Variants in DORIP1 observed in about 807,000 individuals in gnomAD.
The protein encoded by DORIP1 is dopamine receptor-interacting protein 1.
At chr14:44,900,272 T>G in the DORIP1 span, 1 of 523,682 alleles carries the variant, frequency 1.9e-6, no homozygotes, top group Non-Finnish European at 3.1e-6. Context: ...GCATGCATAG[T>G]GCGCGAAAAG....
chr14:44,902,110 A>ATACACTGTCTAT, the DORIP1 span, among the ~76,000 whole-genome samples: 1 of 152,192 alleles, frequency 6.6e-6, no homozygotes, highest in African/African-American at 2.4e-5. Flanking sequence ...TTTCTCTGAA[A>ATACACTGTCTAT]TACACTGTCT....
chr14:44,899,893 G>A, the DORIP1 span, among the ~76,000 whole-genome samples: 6 of 143,666 alleles, frequency 4.2e-5, no homozygotes, highest in African/African-American at 1.3e-4. Flanking sequence ...ATGAGATGGC[G>A]TGATCTCGGC....
the DORIP1 span, chr14:44,901,097 ATATT>A: frequency 9.1e-4 from 719 of 789,864 alleles, 5 homozygotes; most frequent in African/African-American, 0.012. Flanking sequence ...AGGATACTGT[ATATT>A]TAGTATACCT....
the DORIP1 span, chr14:44,899,265 A>C: frequency 2.0e-5 from 3 of 152,232 alleles, no homozygotes; most frequent in Non-Finnish European, 4.4e-5. Context: ...GTGGTCCTCA[A>C]GGTTGGGGAA....
chr14:44,903,092 T>A, the DORIP1 span: 1 of 689,446 alleles, frequency 1.5e-6, no homozygotes, highest in Non-Finnish European at 2.5e-6. Context: ...GTCATAAAGG[T>A]TATACTTGGT....
the DORIP1 span, chr14:44,904,810 T>G: frequency 3.8e-6 from 1 of 263,278 alleles, no homozygotes; most frequent in South Asian, 1.1e-4. Flanking sequence ...CCAGTTTACA[T>G]GTCAGTTTTC....
At chr14:44,900,586 A>G in the DORIP1 span, 3 of 1,610,538 alleles carry the variant, frequency 1.9e-6, no homozygotes, top group East Asian at 4.5e-5. Flanking sequence ...CTATGTTGAA[A>G]TAAGACTGAA....
the DORIP1 span, among the ~76,000 whole-genome samples, chr14:44,899,845 T>TTTTTTTTTTTG: frequency 6.8e-6 from 1 of 146,506 alleles, no homozygotes; most frequent in African/African-American, 2.5e-5. Context: ...TTTTTTTTTT[T>TTTTTTTTTTTG]TTTTTGAGAT....
chr14:44,905,253 A>AG, the DORIP1 span: 1 of 652,690 alleles, frequency 1.5e-6, no homozygotes, highest in South Asian at 4.3e-5. Context: ...TATCTTTTTC[A>AG]GGGAACAGAA....
At chr14:44,905,036 A>G in the DORIP1 span, 7 of 192,674 alleles carry the variant, frequency 3.6e-5, no homozygotes, top group African/African-American at 7.0e-5. Context: ...TAAACATAAA[A>G]TGTTACTTGT....
the DORIP1 span, chr14:44,901,048 T>C: frequency 8.2e-6 from 11 of 1,344,680 alleles, no homozygotes; most frequent in Admixed American, 7.3e-5. Context: ...ATAATGACAT[T>C]TGGGTCAACA....
At chr14:44,902,165 TTATC>T in the DORIP1 span, among the ~76,000 whole-genome samples, 1 of 152,160 alleles carries the variant, frequency 6.6e-6, no homozygotes, top group Non-Finnish European at 1.5e-5. Flanking sequence ...ATGGAAATAA[TTATC>T]AAGTCATAAA....
At chr14:44,902,530 G>A in the DORIP1 span, among the ~76,000 whole-genome samples, 10 of 152,044 alleles carry the variant, frequency 6.6e-5, no homozygotes, top group Middle Eastern at 6.8e-3. Context: ...GGATCTTGCT[G>A]TGTTGCCCAG....
the DORIP1 span, chr14:44,904,447 C>T: frequency 6.2e-7 from 1 of 1,611,392 alleles, no homozygotes; most frequent in Non-Finnish European, 8.5e-7. Context: ...TGGGGCACCC[C>T]CTTTTGTTGT....
chr14:44,900,911 G>A, the DORIP1 span: 47 of 1,609,818 alleles, frequency 2.9e-5, no homozygotes, highest in Admixed American at 1.2e-4. Context: ...TCCAACTGGC[G>A]ATGCCCAACT....
chr14:44,905,384 C>T, the DORIP1 span: 2 of 1,525,590 alleles, frequency 1.3e-6, no homozygotes, highest in South Asian at 1.3e-5. Flanking sequence ...TTGGAAGGTG[C>T]CACATTATTT....
At chr14:44,897,435 G>T in the DORIP1 span, 3 of 193,368 alleles carry the variant, frequency 1.6e-5, no homozygotes, top group East Asian at 1.7e-4. Flanking sequence ...CACGCCGGGG[G>T]AGGCCGAGAC....
At chr14:44,899,056 A>G in the DORIP1 span, 5 of 152,184 alleles carry the variant, frequency 3.3e-5, no homozygotes, top group Non-Finnish European at 7.3e-5. Context: ...TTTCATAACA[A>G]TACTTCTCCA....
the DORIP1 span, chr14:44,899,198 A>G: frequency 1.2e-4 from 19 of 152,372 alleles, no homozygotes; most frequent in East Asian, 3.5e-3. Context: ...TATAACATAC[A>G]TATAACACAA....
Sources: allele counts gnomAD v4.1 joint callset (sites outside exome capture counted in the v4.1 genomes callset), GRCh38; gene constraint gnomAD v4.1.1; transcripts MANE v1.5; gene names NCBI Gene and HGNC (gene_info 2026-07-23, HGNC 2026-07-21).